Variants in TPST1 observed in about 807,000 individuals in gnomAD.
TPST1 encodes the protein protein-tyrosine sulfotransferase 1.
TPST1 carries 20 observed loss-of-function variants against 34.8 expected under a neutral mutation model. The observed-to-expected ratio is 0.57, with a 90% CI of 0.40 to 0.84. The LOEUF is 0.84. Among genes scored for constraint, TPST1 ranks in the 40% least tolerant of loss-of-function variants. TPST1 has a pLI of 0.00. For missense variants in TPST1, 353 were observed against 455.5 expected (o/e 0.78, Z 2.05); for synonymous variants, 152 against 159.4 (o/e 0.95, Z 0.35).
intron 2 of TPST1, among the ~76,000 whole-genome samples, chr7:66,275,293 C>T (rs1790784625): frequency 6.6e-6 from 1 of 152,170 alleles, no homozygotes; most frequent in Admixed American, 6.5e-5. Context: ...TAACTTGGTA[C>T]AGCCGTTATG....
chr7:66,352,399 C>A lies in TPST1; in HGVS notation c.1045-106C>A. On this transcript the variant is annotated intron_variant, in intron 3 of 5. Transcript: ENST00000304842. ...AGGCTTCTTTCTCATTCTAAACTCA[C>A]CAGCAGTGGAGCAGTAAACCCGGCC... is the stretch of plus-strand genomic sequence containing the variant. 6 of 1,532,796 alleles carry A rather than the reference C, an allele frequency of 3.9e-6. No homozygotes were observed. The East Asian group carries it at 1.2e-4, about 30-fold the overall frequency. The allele number at this position is 1,532,796 out of a possible 1,614,324, so 94.9% of individuals were successfully genotyped here.
intron 2 of TPST1, among the ~76,000 whole-genome samples, chr7:66,250,343 G>C (rs906186722): frequency 6.6e-6 from 1 of 152,192 alleles, no homozygotes; most frequent in Non-Finnish European, 1.5e-5. Flanking sequence ...TCAGGTCTTT[G>C]TCTTCATCTA....
intron 3 of TPST1, among the ~76,000 whole-genome samples, chr7:66,304,819 T>G (rs1194752291): frequency 7.5e-6 from 1 of 133,062 alleles, no homozygotes; most frequent in Non-Finnish European, 1.7e-5. Context: ...GTTAGCCATT[T>G]CCTTTTTTTT....
chr7:66,277,775 T>C (rs1385376999), intron 2 of TPST1, among the ~76,000 whole-genome samples: 1 of 151,968 alleles, frequency 6.6e-6, no homozygotes, highest in Non-Finnish European at 1.5e-5. Flanking sequence ...GACTGGTGTT[T>C]TAAAGGCTCT....
chr7:66,244,028 G>A (rs2116426270), intron 2 of TPST1, among the ~76,000 whole-genome samples: 1 of 149,232 alleles, frequency 6.7e-6, no homozygotes, highest in East Asian at 2.0e-4. Context: ...GGCTCACTGC[G>A]AGCTCGGCCT....
chr7:66,347,064 T>C (rs1282823525), intron 3 of TPST1, among the ~76,000 whole-genome samples: 2 of 104,970 alleles, frequency 1.9e-5, no homozygotes, highest in African/African-American at 8.2e-5. Flanking sequence ...CTTTTCTTTT[T>C]TTTTTTTTTT....
chr7:66,304,682 C>T (rs1203616896), intron 3 of TPST1, among the ~76,000 whole-genome samples: 3 of 152,218 alleles, frequency 2.0e-5, no homozygotes, highest in Non-Finnish European at 4.4e-5. Flanking sequence ...GCTAAGCACT[C>T]CCTCAAAGAG....
intron 2 of TPST1, among the ~76,000 whole-genome samples, chr7:66,252,036 G>A (rs1790272130): frequency 6.6e-6 from 1 of 152,124 alleles, no homozygotes; most frequent in Admixed American, 6.6e-5. Flanking sequence ...TGGATTATGA[G>A]CAGTATGCAT....
intron 3 of TPST1, among the ~76,000 whole-genome samples, chr7:66,317,419 GTTGT>G (rs1791656517): frequency 6.6e-6 from 1 of 151,988 alleles, no homozygotes; most frequent in South Asian, 2.1e-4. Flanking sequence ...TGAAAAAATT[GTTGT>G]TTATCTGACA....
At chr7:66,315,289 A>C (rs987643969) in intron 3 of TPST1, among the ~76,000 whole-genome samples, 1 of 152,250 alleles carries the variant, frequency 6.6e-6, no homozygotes, top group African/African-American at 2.4e-5. Flanking sequence ...GGGAGGGCAC[A>C]TGGTTATCAG....
intron 1 of TPST1, among the ~76,000 whole-genome samples, chr7:66,234,400 T>TACACATACACACACACAC (rs1554342873): frequency 7.0e-6 from 1 of 142,852 alleles, no homozygotes; most frequent in Non-Finnish European, 1.5e-5. Context: ...AAAGCATGGC[T>TACACATACACACACACAC]ACACACACAC....
At chr7:66,335,956 CAG>C (rs1033605206) in intron 3 of TPST1, among the ~76,000 whole-genome samples, 1 of 152,198 alleles carries the variant, frequency 6.6e-6, no homozygotes, top group Admixed American at 6.5e-5. Flanking sequence ...CCAGTGGACT[CAG>C]AAGAATTGAA....
chr7:66,338,072 C>T (rs761427453), intron 3 of TPST1, among the ~76,000 whole-genome samples: 34 of 152,128 alleles, frequency 2.2e-4, no homozygotes, highest in Non-Finnish European at 1.8e-4. Context: ...AAGACCCATC[C>T]ATATGCTGGC....
intron 2 of TPST1, among the ~76,000 whole-genome samples, chr7:66,267,596 C>T (rs904052650): frequency 3.3e-5 from 5 of 151,966 alleles, no homozygotes; most frequent in African/African-American, 7.3e-5. Context: ...GAGATATGAC[C>T]GAGAAACAGG....
intron 4 of TPST1, 127 bp downstream of exon 4, chr7:66,352,682 A>T: frequency 1.3e-6 from 2 of 1,517,264 alleles, no homozygotes; most frequent in East Asian, 2.5e-5. Flanking sequence ...AAGAAAAGGG[A>T]TAGTGATATG....
chr7:66,230,927 C>CA (rs574333501), intron 1 of TPST1, among the ~76,000 whole-genome samples: 18 of 152,302 alleles, frequency 1.2e-4, no homozygotes, highest in African/African-American at 4.1e-4. Context: ...AGTGTATCGA[C>CA]ACAAAGGTTC....
intron 3 of TPST1, among the ~76,000 whole-genome samples, chr7:66,348,729 C>T (rs1195276470): frequency 6.6e-6 from 1 of 152,200 alleles, no homozygotes; most frequent in Non-Finnish European, 1.5e-5. Flanking sequence ...GTTTTCTGCA[C>T]TGTGTAGAAA....
In TPST1 at chr7:66,207,688, A is replaced by C. The variant is rs1469006396; in HGVS notation, c.-102+2166A>C. On this transcript the variant is annotated intron_variant, in intron 1 of 5. Coordinates refer to ENST00000304842, the MANE Select transcript of TPST1 (RefSeq NM_003596.4). The stretch of plus-strand genomic sequence containing the variant: ...TAGCACCTATATATTTATGGTTTTC[A>C]AAGACGTCTATTTAGTCCCCGTTTC... Among the ~76,000 whole-genome samples, 2 of 152,106 alleles carry C rather than the reference A, an allele frequency of 1.3e-5. 1 individual carries two copies. The highest frequency in any genetic ancestry group is 2.9e-5 in the Non-Finnish European group (2 of 68,026).
chr7:66,356,703 C>T (rs1792589097), intron 4 of TPST1, 122 bp from the exon 5 acceptor site: 2 of 1,067,152 alleles, frequency 1.9e-6, no homozygotes, highest in Non-Finnish European at 2.9e-6. Flanking sequence ...CACAGTAGTG[C>T]ACTGAGTTCA....
Sources: gnomAD v4.1 joint callset for allele counts (sites outside exome capture counted in the v4.1 genomes callset) on GRCh38, gnomAD v4.1.1 for gene constraint, MANE v1.5 for transcripts, NCBI Gene and HGNC (gene_info 2026-07-23, HGNC 2026-07-21) for gene names.